The following PZP variants were observed in gnomAD, a reference collection of about 807,000 sequenced individuals.
PZP encodes pregnancy zone protein.
PZP carries 150 observed loss-of-function variants against 179.8 expected under a neutral mutation model. The observed-to-expected ratio is 0.83, with a 90% CI of 0.73 to 0.96. PZP has a LOEUF of 0.96. Ranked by LOEUF, PZP falls within the 40% of genes least tolerant of loss-of-function variation. PZP has a pLI of 0.00. For synonymous variants in PZP, 624 were observed against 652.3 expected (o/e 0.96, Z 0.66); for missense variants, 1,689 against 1,764.0 (o/e 0.96, Z 0.76).
At chr12:9,177,634 A>T (rs186636495) in intron 15 of PZP, among the ~76,000 whole-genome samples, 7 of 152,366 alleles carry the variant, frequency 4.6e-5, no homozygotes, top group Admixed American at 4.6e-4. Context: ...AGGTACATAA[A>T]TGAACATGTA....
chr12:9,179,449 A>G lies in PZP; in HGVS notation c.1839+1534T>C, dbSNP rs146572753. On this transcript the variant is annotated intron_variant, in intron 15 of 35. Transcript: ENST00000261336. ...TCACGACATGCCAAGTGTCACCCCC[A>G]TGAATTAATATAACTATAGTCAAAA... Among the ~76,000 whole-genome samples, 296 of 152,324 alleles carry G rather than the reference A, an allele frequency of 1.9e-3. 1 individual carries two copies. Among genetic ancestry groups the G allele is most frequent in the African/African-American group, 6.9e-3 (286 of 41,578 alleles).
In PZP at chr12:9,150,760, T is replaced by C. The variant is rs763791532; in HGVS notation, c.4282-14A>G. ...CTGATTTGTCACCTGAAAGGAAAAG[T>C]GGGAGTAATCAAGAACCTAGAAAAC... On this transcript the variant is annotated splice_polypyrimidine_tract_variant and intron_variant, in intron 33 of 35. Coordinates refer to ENST00000261336, the MANE Select transcript of PZP (RefSeq NM_002864.3). 2 of 1,559,668 alleles carry C rather than the reference T, an allele frequency of 1.3e-6. No individual in the cohort carries two copies. The highest frequency in any genetic ancestry group is 2.2e-5 in the South Asian group (2 of 89,538).
At chr12:9,191,548 T>C (rs181877633) in intron 13 of PZP, among the ~76,000 whole-genome samples, 14 of 152,202 alleles carry the variant, frequency 9.2e-5, no homozygotes, top group Admixed American at 8.5e-4. Flanking sequence ...ACTACATAAA[T>C]AGAAAATATT....
chr12:9,140,242 C>T, the PZP span, among the ~76,000 whole-genome samples: 1 of 152,138 alleles, frequency 6.6e-6, no homozygotes, highest in Admixed American at 6.5e-5. Context: ...AGGGTAAGAA[C>T]ATTAGTCCTA....
chr12:9,192,787 A>C, intron 11 of PZP, 48 bp from the exon 12 acceptor site: 1 of 1,334,422 alleles, frequency 7.5e-7, no homozygotes, highest in South Asian at 1.3e-5. Context: ...GAAATTCTTC[A>C]CCTTAGCTTC....
intron 13 of PZP, among the ~76,000 whole-genome samples, chr12:9,185,708 C>A (rs1943057215): frequency 6.6e-6 from 1 of 151,910 alleles, no homozygotes. Flanking sequence ...AAGTCACCTA[C>A]AAAGGGAAGC....
chr12:9,197,834 C>T (rs59541856), intron 7 of PZP, among the ~76,000 whole-genome samples: 1 of 60,158 alleles, frequency 1.7e-5, no homozygotes, highest in Non-Finnish European at 3.1e-5. Context: ...ATATATTATA[C>T]AATATATAAT....
rs769479830 is a variant in PZP, at chr12:9,159,999, G to A, written c.3076C>T (p.His1026Tyr). The A allele has an allele frequency of 1.9e-5, 30 of 1,613,804 alleles. No individual in the cohort carries two copies. Among genetic ancestry groups the A allele is most frequent in the Non-Finnish European group, 2.4e-5 (28 of 1,179,890 alleles). ...AAGGTGCTGTAGGAGCCATCTTGGTGTTTGTAGTTCAGCTGTCTCTGGTAA... is the reference window on the plus strand; with the variant it reads ...AAGGTGCTGTAGGAGCCATCTTGGTATTTGTAGTTCAGCTGTCTCTGGTAA... ...TGYQRQLNYKHQDGSYSTFGE... is the reference protein window; with the variant it reads ...TGYQRQLNYKYQDGSYSTFGE... Residue 1026 changes from histidine to tyrosine, a missense_variant, in exon 25 of 36, where the codon CAC becomes TAC. Coordinates refer to ENST00000261336, the MANE Select transcript of PZP (RefSeq NM_002864.3).
chr12:9,142,390 C>G, the PZP span, among the ~76,000 whole-genome samples: 1 of 152,114 alleles, frequency 6.6e-6, no homozygotes, highest in Non-Finnish European at 1.5e-5. Flanking sequence ...ATTTTGACAC[C>G]TAATAGTATT....
intron 32 of PZP, 70 bp downstream of exon 32, chr12:9,152,150 G>T: frequency 8.1e-6 from 9 of 1,105,526 alleles, no homozygotes; most frequent in Non-Finnish European, 1.1e-5. Context: ...TTTTGATATT[G>T]GTATGGTCTT....
chr12:9,159,875 C>T, intron 25 of PZP, 63 bp downstream of exon 25: 1 of 1,380,900 alleles, frequency 7.2e-7, no homozygotes. Flanking sequence ...TGGACTAAGA[C>T]AGGTAATCTA....
chr12:9,143,404 A>G, the PZP span, among the ~76,000 whole-genome samples: 1 of 152,138 alleles, frequency 6.6e-6, no homozygotes, highest in Non-Finnish European at 1.5e-5. Context: ...GGGTTCGGAC[A>G]GGCAAGAAGT....
At chr12:9,137,397 T>C in the PZP span, among the ~76,000 whole-genome samples, 3 of 152,166 alleles carry the variant, frequency 2.0e-5, no homozygotes, top group Non-Finnish European at 2.9e-5. Flanking sequence ...TCTGTCTTTA[T>C]GCCAGCACCA....
At chr12:9,207,153 A>C (rs1047219814) in intron 1 of PZP, among the ~76,000 whole-genome samples, 1 of 152,190 alleles carries the variant, frequency 6.6e-6, no homozygotes, top group Admixed American at 6.5e-5. Context: ...TTTGTGTTAG[A>C]TGGATAAGGG....
chr12:9,193,363 C>T (rs898652288), intron 11 of PZP, among the ~76,000 whole-genome samples: 7 of 151,966 alleles, frequency 4.6e-5, no homozygotes. Context: ...TCTATTTGGT[C>T]TCATAATAAA....
chr12:9,150,607 G>A, intron 34 of PZP, 37 bp downstream of exon 34: 1 of 1,355,878 alleles, frequency 7.4e-7, no homozygotes. Flanking sequence ...CCATTTCTTG[G>A]CTCTGGTTAA....
Position 9,203,940 on chromosome 12 carries a change from A to G in PZP, c.95T>C (p.Val32Ala). The G allele has an allele frequency of 1.2e-6, 2 of 1,611,104 alleles. No homozygotes were observed. Among genetic ancestry groups the G allele is most frequent in the Non-Finnish European group, 1.7e-6 (2 of 1,178,536 alleles). The change falls in exon 2 of 36, where the codon GTG becomes GCG. Residue 32 changes from valine (V) to alanine (A), a missense_variant. Transcript: ENST00000261336. Reference protein sequence around the residue: ...DSNSTEPQYMVLVPSLLHTEA... With the variant: ...DSNSTEPQYMALVPSLLHTEA... ...AGTGTGGAGCAGGGAGGGGACCAGC[A>G]CCATATACTGCCTGGGAAAGGAAGA...
intron 1 of PZP, 86 bp downstream of exon 1, chr12:9,208,173 G>A (rs1944535541): frequency 3.2e-6 from 3 of 931,190 alleles, no homozygotes; most frequent in Non-Finnish European, 5.3e-6. Flanking sequence ...GAGTGGAAAG[G>A]TGGCATTTAC....
At chr12:9,155,019 C>T (rs1458724287) in intron 28 of PZP, among the ~76,000 whole-genome samples, 180 bp from the exon 29 acceptor site, 1 of 152,086 alleles carries the variant, frequency 6.6e-6, no homozygotes, top group Non-Finnish European at 1.5e-5. Flanking sequence ...TTGATTTAGT[C>T]CTGTGGTACG....
Sources: allele counts gnomAD v4.1 joint callset (sites outside exome capture counted in the v4.1 genomes callset), GRCh38; gene constraint gnomAD v4.1.1; transcripts MANE v1.5; gene names NCBI Gene and HGNC (gene_info 2026-07-23, HGNC 2026-07-21).